The following PKIB variants were observed in gnomAD, a reference collection of about 807,000 sequenced individuals.
PKIB encodes cAMP-dependent protein kinase inhibitor beta, also known as PKI-beta.
A neutral mutation model predicts 4.5 loss-of-function variants in PKIB; 2 were observed. The observed-to-expected ratio is 0.44, with a 90% CI of 0.18 to 1.39. PKIB has a LOEUF of 1.39. Among genes scored for constraint, PKIB ranks in the 40% most tolerant of loss-of-function variants. The probability of loss-of-function intolerance (pLI) is 0.27; values close to 1 mark genes in which losing one functional copy is unlikely to be tolerated. For missense variants in PKIB, 94 were observed against 92.6 expected (o/e 1.02, Z -0.06); for synonymous variants, 38 against 36.0 (o/e 1.06, Z -0.20).
intron 2 of PKIB, among the ~76,000 whole-genome samples, chr6:122,647,866 A>C (rs1776388867): frequency 1.3e-5 from 2 of 152,214 alleles, no homozygotes; most frequent in African/African-American, 4.8e-5. Context: ...TCAGCTGCTC[A>C]TGGTTCTTAG....
At chr6:122,576,710 A>ATATATATATATATATTTT (rs59569106) in intron 2 of PKIB, among the ~76,000 whole-genome samples, 4 of 109,986 alleles carry the variant, frequency 3.6e-5, no homozygotes, top group African/African-American at 1.6e-4. Context: ...ATATATATAT[A>ATATATATATATATATTTT]TTTTCTTTTG....
At chr6:122,536,286 CA>C (rs1415405735) in intron 2 of PKIB, among the ~76,000 whole-genome samples, 2 of 152,086 alleles carry the variant, frequency 1.3e-5, no homozygotes, top group African/African-American at 4.8e-5. Context: ...GAAAAAAAGA[CA>C]GTGGAAAAAT....
At chr6:122,509,087 G>T (rs977177380) in intron 2 of PKIB, among the ~76,000 whole-genome samples, 1 of 152,082 alleles carries the variant, frequency 6.6e-6, no homozygotes, top group Non-Finnish European at 1.5e-5. Context: ...TTGTAATTCA[G>T]CTCTTTGGGC....
chr6:122,602,165 A>G (rs1310990565), intron 3 of PKIB, among the ~76,000 whole-genome samples: 1 of 152,190 alleles, frequency 6.6e-6, no homozygotes, highest in East Asian at 1.9e-4. Context: ...ATTCTCAGAC[A>G]TTATTATCTC....
intron 1 of PKIB, among the ~76,000 whole-genome samples, chr6:122,631,356 T>A (rs960072345): frequency 3.9e-5 from 6 of 152,188 alleles, no homozygotes; most frequent in Non-Finnish European, 8.8e-5. Flanking sequence ...ATTCAGAATG[T>A]CTTTGACATC....
chr6:122,564,938 G>C (rs1020686588), intron 2 of PKIB, among the ~76,000 whole-genome samples: 1 of 152,162 alleles, frequency 6.6e-6, no homozygotes, highest in Non-Finnish European at 1.5e-5. Flanking sequence ...TCTGTATTTA[G>C]TTAATGATAT....
rs544660145 is a variant in PKIB at position 122,637,191 on chromosome 6, T to G, written c.-76+3824T>G. 2.6e-5 allele frequency among the ~76,000 whole-genome samples: 4 copies of G among 152,278 alleles called. No individual in the cohort carries two copies. The East Asian group carries it at 5.8e-4, about 22-fold the overall frequency. ...GGAGATTGATAGACTTGATTGTAGATATATTAAAACTTCTATACATATAAA... is the reference window on the plus strand; with the variant it reads ...GGAGATTGATAGACTTGATTGTAGAGATATTAAAACTTCTATACATATAAA... On this transcript the variant is annotated intron_variant, in intron 2 of 4. Transcript: ENST00000368452.
chr6:122,695,988 C>T (rs1490354010), intron 3 of PKIB, among the ~76,000 whole-genome samples: 5 of 152,128 alleles, frequency 3.3e-5, no homozygotes, highest in Admixed American at 3.3e-4. Flanking sequence ...GCTGTTCTAC[C>T]TGTGTATGGC....
chr6:122,545,763 C>T (rs569566543), intron 2 of PKIB, among the ~76,000 whole-genome samples: 3 of 150,950 alleles, frequency 2.0e-5, no homozygotes, highest in African/African-American at 7.3e-5. Flanking sequence ...TGTAACAAAC[C>T]TGCACCTGTA....
At chr6:122,710,473 C>T (rs1017490785) in intron 3 of PKIB, among the ~76,000 whole-genome samples, 3 of 152,114 alleles carry the variant, frequency 2.0e-5, no homozygotes, top group African/African-American at 7.2e-5. Context: ...TGTATTTGTG[C>T]CCCCTTTGAA....
intron 2 of PKIB, among the ~76,000 whole-genome samples, chr6:122,495,858 T>A (rs1776064025): frequency 6.6e-6 from 1 of 152,108 alleles, no homozygotes; most frequent in South Asian, 2.1e-4. Context: ...GTGTTTCCCA[T>A]GGCTTTCAAC....
intron 2 of PKIB, among the ~76,000 whole-genome samples, chr6:122,506,861 G>A (rs1396283450): frequency 3.3e-5 from 5 of 150,976 alleles, no homozygotes; most frequent in South Asian, 4.2e-4. Flanking sequence ...CATCACGCCC[G>A]GCTAATTTTT....
chr6:122,681,156 A>AT lies in PKIB; in HGVS notation c.-9+6022dup, dbSNP rs924266195. On this transcript the variant is annotated intron_variant, in intron 3 of 4. Coordinates refer to ENST00000368452, the MANE Select transcript of PKIB (RefSeq NM_181795.3). Reference sequence around the variant, plus strand: ...TGACACATTCACATAAAACCTTGTAATTTTTTTTTTATCTAAGACTTACCA... The same window carrying AT: ...TGACACATTCACATAAAACCTTGTAATTTTTTTTTTTATCTAAGACTTACCA... Among the ~76,000 whole-genome samples the AT allele has an allele frequency of 1.0e-3, 153 of 150,296 alleles. 2 individuals are homozygous for AT. Among genetic ancestry groups the AT allele is most frequent in the East Asian group, 7.0e-3 (36 of 5,130 alleles).
chr6:122,665,579 C>A (rs1182480869), intron 2 of PKIB, among the ~76,000 whole-genome samples: 1 of 151,834 alleles, frequency 6.6e-6, no homozygotes, highest in Non-Finnish European at 1.5e-5. Context: ...GGGAGAGAGA[C>A]CTTCAGCTCA....
At chr6:122,498,452 C>T (rs532855418) in intron 2 of PKIB, among the ~76,000 whole-genome samples, 5 of 152,218 alleles carry the variant, frequency 3.3e-5, no homozygotes, top group African/African-American at 9.6e-5. Flanking sequence ...TGGGTGTGGA[C>T]ACAGCCAAAC....
intron 2 of PKIB, among the ~76,000 whole-genome samples, chr6:122,535,221 G>A (rs114669114): frequency 0.013 from 1,934 of 152,034 alleles, 47 homozygotes; most frequent in African/African-American, 0.044. Context: ...TTACATTTTG[G>A]TAGGAGTTTT....
At chr6:122,492,372 G>A (rs1319245254) in intron 2 of PKIB, among the ~76,000 whole-genome samples, 2 of 152,136 alleles carry the variant, frequency 1.3e-5, no homozygotes, top group Non-Finnish European at 2.9e-5. Context: ...GGGAACGTGT[G>A]CCTTTTAGAT....
intron 2 of PKIB, among the ~76,000 whole-genome samples, chr6:122,494,600 A>T (rs1163539996): frequency 6.6e-6 from 1 of 152,206 alleles, no homozygotes; most frequent in Non-Finnish European, 1.5e-5. Context: ...GGGAAAAAAA[A>T]TTGCCTTTAA....
chr6:122,717,829 A>T lies in PKIB; in HGVS notation c.35A>T (p.Glu12Val). ...GATTCATCAAAAATGACTGACGTGG[A>T]GTCTGGGGTCGCCAATTTTGCATCT... is the stretch of plus-strand genomic sequence containing the variant. Reference protein sequence around the residue: ...RTDSSKMTDVESGVANFASSA... With the variant: ...RTDSSKMTDVVSGVANFASSA... The change falls in exon 4 of 5, where the codon GAG (glutamate) becomes GTG (valine). Residue 12 changes from glutamate (E) to valine (V), a missense_variant. By Grantham distance (121) the Glu-to-Val change is moderately radical (BLOSUM62 -2). Transcript: ENST00000368452. 2 of 1,614,100 alleles carry T rather than the reference A, an allele frequency of 1.2e-6. No homozygotes were observed. The highest frequency in any genetic ancestry group is 1.7e-6 in the Non-Finnish European group (2 of 1,179,982).
Sources: gnomAD v4.1 joint callset for allele counts (sites outside exome capture counted in the v4.1 genomes callset) on GRCh38, gnomAD v4.1.1 for gene constraint, MANE v1.5 for transcripts, NCBI Gene and HGNC (gene_info 2026-07-23, HGNC 2026-07-21) for gene names.